Variants in ADGRV1 observed in about 807,000 individuals in gnomAD.
The protein encoded by ADGRV1 is adhesion G protein-coupled receptor V1, also known as G-protein coupled receptor 98.
A neutral mutation model predicts 596.2 loss-of-function variants in ADGRV1; 359 were observed. That is an observed-to-expected ratio of 0.60 (90% CI 0.55 to 0.66). The LOEUF (loss-of-function observed/expected upper bound fraction) is 0.66. ADGRV1 is among the 30% of genes least tolerant of loss of function. The probability of loss-of-function intolerance (pLI) is 0.00; values close to 1 mark genes in which losing one functional copy is unlikely to be tolerated. For missense variants in ADGRV1, 7,274 were observed against 7,575.6 expected, an observed-to-expected ratio of 0.96 and a Z score of 1.48; for synonymous variants, 2,681 against 2,679.2, an observed-to-expected ratio of 1.00 and a Z score of -0.02.
intron 85 of ADGRV1, among the ~76,000 whole-genome samples, chr5:91,038,029 C>T (rs1785046347): frequency 6.6e-6 from 1 of 152,272 alleles, no homozygotes; most frequent in African/African-American, 2.4e-5. Flanking sequence ...GGTTCCATCC[C>T]TATGATATCT....
intron 85 of ADGRV1, among the ~76,000 whole-genome samples, chr5:91,040,570 C>T (rs565329161): frequency 5.1e-4 from 77 of 152,256 alleles, no homozygotes; most frequent in South Asian, 2.3e-3. Context: ...ACAAATATTA[C>T]GTTTATATTA....
rs376457878 is a variant in ADGRV1, at chr5:90,759,656, T to C, written c.12120+68T>C. The C allele has an allele frequency of 2.3e-5, 33 of 1,420,434 alleles. No homozygotes were observed. In the African/African-American group the frequency reaches 2.9e-4, roughly 13 times the overall value. The allele number at this position is 1,420,434 out of a possible 1,614,324, so 88.0% of individuals were successfully genotyped here. On this transcript the variant is annotated intron_variant, in intron 58 of 89. Coordinates refer to ENST00000405460, the MANE Select transcript of ADGRV1 (RefSeq NM_032119.4). ...GTTTCATGTAATTTTGAGTAGAAAGTGTCTCACATTTTTGTTTTGGAAGTC... is the reference window on the plus strand; with the variant it reads ...GTTTCATGTAATTTTGAGTAGAAAGCGTCTCACATTTTTGTTTTGGAAGTC...
At chr5:90,838,438 A>C (rs1765153153) in intron 77 of ADGRV1, among the ~76,000 whole-genome samples, 1 of 152,078 alleles carries the variant, frequency 6.6e-6, no homozygotes, top group African/African-American at 2.4e-5. Flanking sequence ...AGGCTAGACT[A>C]TATAGAACTG....
chr5:90,606,207 A>G (rs1762092591), intron 1 of ADGRV1, among the ~76,000 whole-genome samples: 1 of 152,238 alleles, frequency 6.6e-6, no homozygotes, highest in Non-Finnish European at 1.5e-5. Context: ...GAGTAAAATA[A>G]CTGTGTTTGT....
At chr5:91,117,903 A>G (rs1287514844) in intron 87 of ADGRV1, among the ~76,000 whole-genome samples, 1 of 152,184 alleles carries the variant, frequency 6.6e-6, no homozygotes, top group Non-Finnish European at 1.5e-5. Flanking sequence ...TGTTGAGAGG[A>G]CTGAGTAGTA....
intron 50 of ADGRV1, among the ~76,000 whole-genome samples, chr5:90,733,148 T>C (rs905825420): frequency 6.6e-6 from 1 of 152,170 alleles, no homozygotes; most frequent in African/African-American, 2.4e-5. Context: ...ATGAAAATCC[T>C]TGTGGGAAAG....
At chr5:91,080,843 A>G (rs1789292020) in intron 86 of ADGRV1, among the ~76,000 whole-genome samples, 1 of 152,160 alleles carries the variant, frequency 6.6e-6, no homozygotes, top group Non-Finnish European at 1.5e-5. Context: ...AGTCCTCAAT[A>G]TGTGTTAGTA....
At chr5:90,912,720 G>A (rs1055567288) in intron 83 of ADGRV1, among the ~76,000 whole-genome samples, 1 of 152,148 alleles carries the variant, frequency 6.6e-6, no homozygotes, top group African/African-American at 2.4e-5. Context: ...GCCTCCAGCA[G>A]CATCCGTGTT....
chr5:90,676,158 C>T lies in ADGRV1; in HGVS notation c.5392C>T (p.Pro1798Ser), dbSNP rs1416200188. The T allele has an allele frequency of 6.2e-7, 1 of 1,606,958 alleles. No individual in the cohort carries two copies. Among genetic ancestry groups the T allele is most frequent in the Non-Finnish European group, 8.5e-7 (1 of 1,176,354 alleles). Reference protein sequence around the residue: ...IFINITDNSIPELEKSFKVEL... With the variant: ...IFINITDNSISELEKSFKVEL... ...CATAAACATCACTGATAATTCTATT[C>T]CTGAACTGGAAAAATCTTTTAAAGT... The change falls in exon 25 of 90, where the codon CCT becomes TCT. Residue 1798 changes from proline to serine, a missense_variant. Physicochemically the swap from Pro to Ser is moderately conservative, Grantham distance 74. Around this residue, in one of 5 missense-constraint regions of ADGRV1, gnomAD observed 3,643 missense variants for 3,809.2 expected, o/e 0.96. Transcript: ENST00000405460.
chr5:90,781,895 A>G (rs998640816), intron 65 of ADGRV1, among the ~76,000 whole-genome samples: 10 of 152,132 alleles, frequency 6.6e-5, no homozygotes, highest in Non-Finnish European at 1.5e-4. Context: ...TTAATTTCCT[A>G]TGTGACTAGA....
At chr5:90,631,971 A>C (rs1475468396) in intron 9 of ADGRV1, among the ~76,000 whole-genome samples, 1 of 152,224 alleles carries the variant, frequency 6.6e-6, no homozygotes, top group Middle Eastern at 3.2e-3. Flanking sequence ...ACCAGTTCAC[A>C]CTTAGAGTAG....
At chr5:90,718,800 A>G (rs1394364720) in intron 43 of ADGRV1, among the ~76,000 whole-genome samples, 2 of 150,042 alleles carry the variant, frequency 1.3e-5, no homozygotes, top group Admixed American at 1.3e-4. Flanking sequence ...GTTTTTTTTT[A>G]CTGTGACTTT....
chr5:90,659,431 T>A (rs148377159), intron 21 of ADGRV1, among the ~76,000 whole-genome samples: 1 of 152,344 alleles, frequency 6.6e-6, no homozygotes, highest in African/African-American at 2.4e-5. Flanking sequence ...TGTCAACATT[T>A]TGAAGATCTG....
intron 85 of ADGRV1, among the ~76,000 whole-genome samples, chr5:91,067,829 A>C (rs1044430543): frequency 2.0e-5 from 3 of 152,224 alleles, no homozygotes; most frequent in Non-Finnish European, 4.4e-5. Flanking sequence ...TCACATGAAA[A>C]AAATAAGTGA....
At chr5:90,595,111 G>T in intron 1 of ADGRV1, among the ~76,000 whole-genome samples, 1 of 134,556 alleles carries the variant, frequency 7.4e-6, no homozygotes, top group South Asian at 2.3e-4. Flanking sequence ...GCCGGGCGGG[G>T]GGCTGACCCC....
chr5:90,661,676 C>T (rs539879743), intron 21 of ADGRV1, among the ~76,000 whole-genome samples: 2 of 152,122 alleles, frequency 1.3e-5, no homozygotes, highest in South Asian at 4.2e-4. Flanking sequence ...TTGGCAAATT[C>T]CTGACTTAAA....
intron 83 of ADGRV1, among the ~76,000 whole-genome samples, chr5:90,939,885 A>C (rs1362978978): frequency 6.6e-6 from 1 of 152,072 alleles, no homozygotes; most frequent in Non-Finnish European, 1.5e-5. Context: ...TTTCCTGGAG[A>C]GATTAAGAGA....
At position 90,694,041 on chromosome 5, in the gene ADGRV1, G is replaced by A; in HGVS notation, c.7285G>A (p.Val2429Ile). The A allele has an allele frequency of 1.2e-6, 2 of 1,613,786 alleles. No individual in the cohort carries two copies. The highest frequency in any genetic ancestry group is 1.3e-5 in the African/African-American group (1 of 75,034). Residue 2429 changes from valine to isoleucine, a missense_variant, in exon 33 of 90, where the codon GTC becomes ATC. Val to Ile is a conservative substitution (Grantham distance 29, BLOSUM62 3). Around this residue, in one of 5 missense-constraint regions of ADGRV1, gnomAD observed 3,643 missense variants for 3,809.2 expected, o/e 0.96. Coordinates refer to ENST00000405460, the MANE Select transcript of ADGRV1 (RefSeq NM_032119.4). ...CCCACTTTGGAGAACTTGGATGAAT[G>A]TCTCTGCCGTGGGGGAGCCCCTGTA... ...PDPLWRTWMNVSAVGEPLYTC... is the reference protein window; with the variant it reads ...PDPLWRTWMNISAVGEPLYTC...
At chr5:91,089,990 G>C (rs893046015) in intron 86 of ADGRV1, among the ~76,000 whole-genome samples, 6 of 152,186 alleles carry the variant, frequency 3.9e-5, no homozygotes, top group Non-Finnish European at 7.3e-5. Flanking sequence ...CCAGTCTTCA[G>C]TCATTAGTTG....
Sources: gnomAD v4.1 joint callset for allele counts (sites outside exome capture counted in the v4.1 genomes callset) on GRCh38, gnomAD v4.1.1 for gene constraint, gnomAD v4.1.1 regional missense constraint, MANE v1.5 for transcripts, NCBI Gene and HGNC (gene_info 2026-07-23, HGNC 2026-07-21) for gene names.